The following UTRN variants were observed in gnomAD, a reference collection of about 807,000 sequenced individuals.
UTRN encodes the protein utrophin, also known as dystrophin-related protein 1.
A neutral mutation model predicts 463.9 loss-of-function variants in UTRN; 283 were observed. The observed-to-expected ratio is 0.61, with a 90% CI of 0.55 to 0.67. The LOEUF is 0.67. Ranked by LOEUF, UTRN falls within the 30% of genes least tolerant of loss-of-function variation. The pLI is 0.00. For synonymous variants in UTRN, 1,442 were observed against 1,431.5 expected, an observed-to-expected ratio of 1.01 and a Z score of -0.17; for missense variants, 3,922 against 4,084.3, an observed-to-expected ratio of 0.96 and a Z score of 1.08.
chr6:144,742,936 A>C (rs1340623478), intron 54 of UTRN, among the ~76,000 whole-genome samples: 1 of 152,232 alleles, frequency 6.6e-6, no homozygotes, highest in Non-Finnish European at 1.5e-5. Context: ...TAGTATAAAT[A>C]AGGTATTTGG....
intron 51 of UTRN, among the ~76,000 whole-genome samples, chr6:144,642,968 A>G (rs922165779): frequency 6.6e-6 from 1 of 152,198 alleles, no homozygotes; most frequent in African/African-American, 2.4e-5. Context: ...GGAGTTTATC[A>G]GAATCCCAAA....
intron 3 of UTRN, among the ~76,000 whole-genome samples, chr6:144,406,356 C>CTTTTTT (rs57721924): frequency 3.3e-3 from 417 of 125,540 alleles, no homozygotes; most frequent in African/African-American, 6.6e-3. Context: ...TTTTTCTTTT[C>CTTTTTT]TTTTTTTTTT....
chr6:144,626,384 G>A (rs749574150), intron 51 of UTRN, among the ~76,000 whole-genome samples: 70 of 152,132 alleles, frequency 4.6e-4, no homozygotes, highest in Non-Finnish European at 8.7e-4. Context: ...TTTCCCTCTC[G>A]CAACTGGTCA....
At chr6:144,727,386 T>G (rs1787983844) in intron 53 of UTRN, among the ~76,000 whole-genome samples, 1 of 152,250 alleles carries the variant, frequency 6.6e-6, no homozygotes, top group Non-Finnish European at 1.5e-5. Context: ...GTGGCTTGCA[T>G]TAAATCTGTA....
chr6:144,803,044 G>T lies in UTRN; in HGVS notation c.9254G>T (p.Ser3085Ile), dbSNP rs775475121. 1.3e-6 allele frequency: 2 copies of T among 1,573,190 alleles called. No individual in the cohort carries two copies. Among genetic ancestry groups the T allele is most frequent in the South Asian group, 1.2e-5 (1 of 82,966 alleles). Reference protein sequence around the residue: ...ECPIVGFRYRSLKHFNYDVCQ... With the variant: ...ECPIVGFRYRILKHFNYDVCQ... ...TCTTTTGTTTTCTCTAGGTATAGAA[G>T]CCTTAAGCATTTTAACTATGATGTC... The change falls in exon 65 of 75, where the codon AGC becomes ATC. Residue 3085 changes from serine to isoleucine, a missense_variant. This residue lies in a region of UTRN where 1,309 missense variants were observed against 1,452.6 expected (regional missense o/e 0.90). Transcript: ENST00000367545.
chr6:144,765,235 A>G (rs898221328), intron 58 of UTRN, among the ~76,000 whole-genome samples: 2 of 152,184 alleles, frequency 1.3e-5, no homozygotes, highest in Non-Finnish European at 2.9e-5. Context: ...TAATTCTACT[A>G]CTTTATTTAA....
At chr6:144,305,026 G>T (rs1805594744) in intron 2 of UTRN, among the ~76,000 whole-genome samples, 1 of 151,422 alleles carries the variant, frequency 6.6e-6, no homozygotes, top group Non-Finnish European at 1.5e-5. Flanking sequence ...CCCCTTCCTG[G>T]GTTCAAACAA....
In UTRN at chr6:144,848,287, C is replaced by A. The variant is rs532608833; in HGVS notation, c.10293+1460C>A. Among the ~76,000 whole-genome samples, 387 of 152,278 alleles carry A rather than the reference C, an allele frequency of 2.5e-3. 3 individuals carry two copies. The highest frequency in any genetic ancestry group is 9.0e-3 in the African/African-American group (375 of 41,544). On this transcript the variant is annotated intron_variant, in intron 74 of 74. Transcript: ENST00000367545. ...TGCCACTCATGAATTTAACATGAGG[C>A]CATTCTGCAGGGTTGTAAGTTGCCC... is the stretch of plus-strand genomic sequence containing the variant.
At chr6:144,673,447 A>ATAAG (rs1469630042) in intron 51 of UTRN, among the ~76,000 whole-genome samples, 2 of 152,106 alleles carry the variant, frequency 1.3e-5, no homozygotes, top group East Asian at 3.9e-4. Flanking sequence ...TTTGTCTGAT[A>ATAAG]TAAGAATAGC....
chr6:144,791,012 C>A (rs1447498293), intron 62 of UTRN, among the ~76,000 whole-genome samples: 1 of 152,106 alleles, frequency 6.6e-6, no homozygotes, highest in Non-Finnish European at 1.5e-5. Flanking sequence ...AGGAAGTATG[C>A]CATTTTAGAA....
chr6:144,354,876 A>T (rs1211026683), intron 2 of UTRN, among the ~76,000 whole-genome samples: 2 of 152,154 alleles, frequency 1.3e-5, no homozygotes, highest in Non-Finnish European at 2.9e-5. Context: ...CTATCTCTGC[A>T]CGGTGTTGAA....
intron 38 of UTRN, 114 bp downstream of exon 38, chr6:144,516,501 C>T: frequency 8.1e-7 from 1 of 1,229,194 alleles, no homozygotes; most frequent in South Asian, 1.6e-5. Flanking sequence ...GAAACAGATT[C>T]AAATGTGATT....
At chr6:144,597,749 T>C (rs1803807938) in intron 51 of UTRN, among the ~76,000 whole-genome samples, 1 of 152,258 alleles carries the variant, frequency 6.6e-6, no homozygotes, top group Non-Finnish European at 1.5e-5. Context: ...TCATAATAAG[T>C]CAATGTGAAG....
Position 144,429,696 on chromosome 6 carries a change from A to G in UTRN, c.810A>G (p.Pro270=), listed in dbSNP as rs1405442548. ...CCATCCGTGAGGTAGAGACACTCCC[A>G]AGGAAATATAAAAAAGAATGTGAAG... The part of the protein sequence containing the change: ...IDAIREVETL[P]RKYKKECEEE... Residue 270 remains proline, a synonymous_variant, in exon 9 of 75, where the codon CCA becomes CCG. Coordinates refer to ENST00000367545, the MANE Select transcript of UTRN (RefSeq NM_007124.3). 6.2e-7 allele frequency: 1 copy of G among 1,612,546 alleles called. No individual in the cohort carries two copies. The highest frequency in any genetic ancestry group is 1.7e-5 in the Admixed American group (1 of 59,640).
At chr6:144,815,628 A>G (rs1779009490) in intron 65 of UTRN, among the ~76,000 whole-genome samples, 1 of 152,218 alleles carries the variant, frequency 6.6e-6, no homozygotes, top group Admixed American at 6.5e-5. Flanking sequence ...TCCAGCACGG[A>G]AAAAGATGAA....
chr6:144,298,694 C>T (rs747605143), intron 2 of UTRN, among the ~76,000 whole-genome samples: 5 of 152,018 alleles, frequency 3.3e-5, no homozygotes, highest in African/African-American at 7.3e-5. Context: ...GGTATGTGGA[C>T]GGGTGGCTAG....
At chr6:144,574,656 C>G (rs1801262663) in intron 50 of UTRN, among the ~76,000 whole-genome samples, 1 of 152,194 alleles carries the variant, frequency 6.6e-6, no homozygotes, top group Non-Finnish European at 1.5e-5. Flanking sequence ...TCTTGGCTCA[C>G]TGCAACCTCT....
chr6:144,336,441 A>G (rs888689761), intron 2 of UTRN, among the ~76,000 whole-genome samples: 3 of 152,168 alleles, frequency 2.0e-5, no homozygotes, highest in Non-Finnish European at 4.4e-5. Context: ...TGAAGACCAC[A>G]TTGGGGTTCA....
At chr6:144,447,120 A>G in intron 14 of UTRN, 91 bp from the exon 15 acceptor site, 1 of 1,220,636 alleles carries the variant, frequency 8.2e-7, no homozygotes, top group South Asian at 1.5e-5. Flanking sequence ...GAAGCCTCTA[A>G]TAAAATAAAA....
Sources: gnomAD v4.1 joint callset for allele counts (sites outside exome capture counted in the v4.1 genomes callset) on GRCh38, gnomAD v4.1.1 for gene constraint, gnomAD v4.1.1 regional missense constraint, MANE v1.5 for transcripts, NCBI Gene and HGNC (gene_info 2026-07-23, HGNC 2026-07-21) for gene names.